The following SYTL3 variants were observed in gnomAD, a reference collection of about 807,000 sequenced individuals.
SYTL3 encodes synaptotagmin-like protein 3.
Under a neutral mutation model 82.1 loss-of-function variants are expected in SYTL3, and 88 were observed. The observed-to-expected ratio is 1.07, with a 90% CI of 0.90 to 1.28. SYTL3 has a LOEUF of 1.28. Ranked by LOEUF, SYTL3 falls within the 50% of genes most tolerant of loss-of-function variation. The pLI is 0.00. For missense variants in SYTL3, 831 were observed against 757.6 expected (o/e 1.10, Z -1.14); for synonymous variants, 311 against 289.4 (o/e 1.07, Z -0.76).
intron 5 of SYTL3, among the ~76,000 whole-genome samples, chr6:158,675,262 GA>G (rs1387725005): frequency 6.6e-6 from 1 of 152,184 alleles, no homozygotes; most frequent in Non-Finnish European, 1.5e-5. Flanking sequence ...ATGTGACAGA[GA>G]GGGGGGCACC....
chr6:158,749,401 A>AAG (rs1190350019), intron 12 of SYTL3, among the ~76,000 whole-genome samples: 4 of 148,464 alleles, frequency 2.7e-5, no homozygotes, highest in African/African-American at 9.8e-5. Context: ...AAAAAAAAAA[A>AAG]AAAAAAAAAG....
chr6:158,740,451 A>C (rs1583440579), intron 11 of SYTL3, among the ~76,000 whole-genome samples: 1 of 152,152 alleles, frequency 6.6e-6, no homozygotes, highest in East Asian at 1.9e-4. Context: ...TAAAGTTTAT[A>C]TCTTTCAGTG....
At chr6:158,683,189 T>C (rs1373812078) in intron 6 of SYTL3, among the ~76,000 whole-genome samples, 200 bp downstream of exon 6, 1 of 151,784 alleles carries the variant, frequency 6.6e-6, no homozygotes, top group Non-Finnish European at 1.5e-5. Flanking sequence ...TCTGCTGCAT[T>C]TCTACCTCTG....
At chr6:158,705,595 A>ACG (rs1781981930) in intron 6 of SYTL3, among the ~76,000 whole-genome samples, 1 of 117,288 alleles carries the variant, frequency 8.5e-6, no homozygotes, top group African/African-American at 3.7e-5. Flanking sequence ...GGTAACAGTG[A>ACG]GATCTGGAAA....
chr6:158,743,171 C>T (rs1326404434), intron 11 of SYTL3, among the ~76,000 whole-genome samples: 2 of 152,152 alleles, frequency 1.3e-5, no homozygotes, highest in African/African-American at 4.8e-5. Flanking sequence ...ATTCAATGTG[C>T]TCCTGATGCA....
intron 10 of SYTL3, among the ~76,000 whole-genome samples, chr6:158,722,127 A>G (rs1374821913): frequency 1.3e-5 from 2 of 150,774 alleles, no homozygotes; most frequent in African/African-American, 2.4e-5. Context: ...GAGGCACAGA[A>G]GTAGTAGATA....
intron 6 of SYTL3, among the ~76,000 whole-genome samples, chr6:158,707,026 A>C (rs770074380): frequency 1.3e-5 from 2 of 152,230 alleles, no homozygotes; most frequent in Non-Finnish European, 2.9e-5. Flanking sequence ...TCTACAATGC[A>C]ATGATTTTGA....
At chr6:158,756,185 G>C (rs113401994) in intron 13 of SYTL3, among the ~76,000 whole-genome samples, 2 of 152,198 alleles carry the variant, frequency 1.3e-5, no homozygotes, top group Non-Finnish European at 2.9e-5. Context: ...AGGGGCCTTC[G>C]GCCTCTAGTC....
chr6:158,715,232 T>C (rs1230695403), intron 9 of SYTL3, among the ~76,000 whole-genome samples: 1 of 152,062 alleles, frequency 6.6e-6, no homozygotes, highest in African/African-American at 2.4e-5. Flanking sequence ...CTTCTCCAAA[T>C]CTATGTGGCT....
In SYTL3 at chr6:158,695,298, C is replaced by T. The variant is rs141229845; in HGVS notation, c.395-11932C>T. ...ATGCCCATCATTATTTTTCCTATTT[C>T]AATGAATAGCATGGAAACCAAGGTG... is the stretch of plus-strand genomic sequence containing the variant. On this transcript the variant is annotated intron_variant, in intron 6 of 17. Transcript: ENST00000611299. Among the ~76,000 whole-genome samples the T allele has an allele frequency of 5.3e-5, 8 of 152,244 alleles. No homozygotes were observed. In the East Asian group the frequency reaches 1.5e-3, roughly 29 times the overall value.
chr6:158,649,830 C>G (rs980606986), upstream of SYTL3, among the ~76,000 whole-genome samples: 3 of 152,156 alleles, frequency 2.0e-5, no homozygotes, highest in Non-Finnish European at 2.9e-5. Context: ...GGTCTTTCCT[C>G]CAGCTAAAAA....
At chr6:158,751,155 A>AT (rs1205725009) in intron 12 of SYTL3, among the ~76,000 whole-genome samples, 1 of 152,136 alleles carries the variant, frequency 6.6e-6, no homozygotes, top group East Asian at 1.9e-4. Context: ...AAGAGACCCA[A>AT]GACTGGGGCT....
At chr6:158,713,301 A>T (rs1429599330) in intron 8 of SYTL3, among the ~76,000 whole-genome samples, 1 of 152,032 alleles carries the variant, frequency 6.6e-6, no homozygotes, top group Non-Finnish European at 1.5e-5. Flanking sequence ...CTGTTGTTTT[A>T]TCTTTTTTTT....
chr6:158,706,337 T>G (rs1049206670), intron 6 of SYTL3, among the ~76,000 whole-genome samples: 1 of 152,208 alleles, frequency 6.6e-6, no homozygotes, highest in Non-Finnish European at 1.5e-5. Context: ...TAACATCACA[T>G]GCTATTTGCC....
intron 12 of SYTL3, among the ~76,000 whole-genome samples, chr6:158,747,135 C>T (rs984937464): frequency 1.1e-4 from 17 of 151,018 alleles, no homozygotes; most frequent in Non-Finnish European, 1.8e-4. Flanking sequence ...TACAGGTGCC[C>T]GCCACCACAC....
chr6:158,718,177 G>C lies in SYTL3; in HGVS notation c.686G>C (p.Ser229Thr). The change falls in exon 10 of 18, where the codon AGC (serine) becomes ACC (threonine). Residue 229 changes from serine to threonine, a missense_variant. Ser to Thr is a moderately conservative substitution (Grantham distance 58). Coordinates refer to ENST00000611299, the MANE Select transcript of SYTL3 (RefSeq NM_001242394.2). The stretch of plus-strand genomic sequence containing the variant: ...TGTGTGGGACAGACAGAGAGACGGA[G>C]CCAGTCTGACACTGCGGTCAACGTC... The part of the protein sequence containing the change: ...RQCVGQTERR[S>T]QSDTAVNVTT... The C allele has an allele frequency of 6.5e-7, 1 of 1,544,700 alleles. No homozygotes were observed. Among genetic ancestry groups the C allele is most frequent in the Non-Finnish European group, 8.7e-7 (1 of 1,144,064 alleles).
chr6:158,691,119 G>T (rs1048847640), intron 6 of SYTL3, among the ~76,000 whole-genome samples: 2 of 152,154 alleles, frequency 1.3e-5, no homozygotes, highest in African/African-American at 4.8e-5. Flanking sequence ...GGATGAGGTG[G>T]GAGGATCGTT....
chr6:158,660,535 A>G (rs780095101), intron 2 of SYTL3, among the ~76,000 whole-genome samples: 2 of 152,164 alleles, frequency 1.3e-5, no homozygotes, highest in Non-Finnish European at 2.9e-5. Flanking sequence ...TGAACCCTGT[A>G]TTTCTGAAGT....
rs1032277626 is a variant in SYTL3, at chr6:158,663,232, A to G, written c.-37A>G. 9 of 1,602,072 alleles carry G rather than the reference A, an allele frequency of 5.6e-6. No homozygotes were observed. The highest frequency in any genetic ancestry group is 7.7e-6 in the Non-Finnish European group (9 of 1,169,270). On this transcript the variant is annotated 5_prime_UTR_variant, in exon 4 of 18. Coordinates refer to ENST00000611299, the MANE Select transcript of SYTL3 (RefSeq NM_001242394.2). ...CGTGAGCGCTTGGTCCATGCAGTGA[A>G]GCTCTTCCAACCTGGGTCAACGAAA...
Sources: gnomAD v4.1 joint callset for allele counts (sites outside exome capture counted in the v4.1 genomes callset) on GRCh38, gnomAD v4.1.1 for gene constraint, MANE v1.5 for transcripts, NCBI Gene and HGNC (gene_info 2026-07-23, HGNC 2026-07-21) for gene names.